PTPRK: variants seen among roughly 807,000 people sequenced by gnomAD.
The protein encoded by PTPRK is receptor-type tyrosine-protein phosphatase kappa.
PTPRK carries 75 observed loss-of-function variants against 178.0 expected under a neutral mutation model. The ratio of observed to expected loss-of-function variants is 0.42; its 90% CI spans 0.35 to 0.51. The LOEUF is 0.51. Among genes scored for constraint, PTPRK ranks in the 20% least tolerant of loss-of-function variants. The probability of loss-of-function intolerance (pLI) is 0.02; values close to 1 mark genes in which losing one functional copy is unlikely to be tolerated. For missense variants in PTPRK, 1,441 were observed against 1,797.8 expected, an observed-to-expected ratio of 0.80 and a Z score of 3.59; for synonymous variants, 637 against 620.6, an observed-to-expected ratio of 1.03 and a Z score of -0.39.
chr6:128,288,747 C>G (rs11961873), intron 3 of PTPRK, among the ~76,000 whole-genome samples: 3 of 151,840 alleles, frequency 2.0e-5, no homozygotes, highest in Non-Finnish European at 4.4e-5. Flanking sequence ...GCTTGAAATA[C>G]TCTCCCCCTT....
At chr6:128,173,922 A>C (rs1038324612) in intron 7 of PTPRK, among the ~76,000 whole-genome samples, 1 of 152,024 alleles carries the variant, frequency 6.6e-6, no homozygotes, top group African/African-American at 2.4e-5. Context: ...AAATTCAAAT[A>C]ATTCATTCTT....
intron 2 of PTPRK, among the ~76,000 whole-genome samples, chr6:128,355,932 A>AT (rs1833897556): frequency 6.6e-6 from 1 of 152,214 alleles, no homozygotes; most frequent in African/African-American, 2.4e-5. Context: ...TCCTTTAGTC[A>AT]TTTTCAACCC....
At chr6:128,105,561 T>C (rs1789584136) in intron 7 of PTPRK, among the ~76,000 whole-genome samples, 1 of 152,176 alleles carries the variant, frequency 6.6e-6, no homozygotes, top group Non-Finnish European at 1.5e-5. Context: ...AATATCAAAA[T>C]AAAACTCATG....
intron 7 of PTPRK, among the ~76,000 whole-genome samples, chr6:128,091,252 C>T (rs888878582): frequency 1.8e-4 from 27 of 152,176 alleles, no homozygotes; most frequent in African/African-American, 6.3e-4. Flanking sequence ...AGACTCCCAA[C>T]TTCACCACTT....
chr6:128,105,715 A>ATT lies in PTPRK; in HGVS notation c.1163-15725_1163-15724dup, dbSNP rs989148798. Among the ~76,000 whole-genome samples the ATT allele has an allele frequency of 7.9e-5, 12 of 152,264 alleles. No homozygotes were observed. In the South Asian group the frequency reaches 1.5e-3, roughly 18 times the overall value. The stretch of plus-strand genomic sequence containing the variant: ...ACTAAGTTTAATTCATAAACAACTG[A>ATT]TTTTTTTCAGGTTACACTCTAGAAC... On this transcript the variant is annotated intron_variant, in intron 7 of 29. Coordinates refer to ENST00000368226, the MANE Select transcript of PTPRK (RefSeq NM_002844.4).
chr6:128,439,215 C>T (rs753547868), intron 1 of PTPRK, among the ~76,000 whole-genome samples: 3 of 152,084 alleles, frequency 2.0e-5, no homozygotes, highest in Non-Finnish European at 4.4e-5. Flanking sequence ...TCCTGCTTCA[C>T]ATATTTTACA....
intron 1 of PTPRK, among the ~76,000 whole-genome samples, chr6:128,448,778 T>C (rs1392934365): frequency 1.3e-5 from 2 of 152,202 alleles, no homozygotes; most frequent in Non-Finnish European, 2.9e-5. Flanking sequence ...ATATTTTGCC[T>C]TCTCTAAGTG....
At chr6:128,330,012 G>A (rs1830063488) in intron 2 of PTPRK, among the ~76,000 whole-genome samples, 1 of 152,146 alleles carries the variant, frequency 6.6e-6, no homozygotes, top group African/African-American at 2.4e-5. Context: ...ATCTTGAATA[G>A]CTACCAAAGC....
chr6:128,145,054 A>G (rs1796284659), intron 7 of PTPRK, among the ~76,000 whole-genome samples: 1 of 152,152 alleles, frequency 6.6e-6, no homozygotes, highest in African/African-American at 2.4e-5. Flanking sequence ...ACAGCTACAC[A>G]ATAACAAGAT....
At chr6:128,414,931 A>G (rs542709322) in intron 1 of PTPRK, among the ~76,000 whole-genome samples, 1 of 152,328 alleles carries the variant, frequency 6.6e-6, no homozygotes. Context: ...TCAATGAAAA[A>G]GTTCTCATTT....
chr6:128,354,231 G>GTTTTTTTTTTTTTTTTTATTTTTTTTT (rs1833619011), intron 2 of PTPRK, among the ~76,000 whole-genome samples: 1 of 49,358 alleles, frequency 2.0e-5, no homozygotes, highest in Non-Finnish European at 3.2e-5. Flanking sequence ...TTTTGTTTAT[G>GTTTTTTTTTTTTTTTTTATTTTTTTTT]TTTTTTTTTT....
intron 1 of PTPRK, among the ~76,000 whole-genome samples, chr6:128,469,316 G>A (rs1172727703): frequency 2.6e-5 from 4 of 152,192 alleles, no homozygotes; most frequent in Admixed American, 6.6e-5. Flanking sequence ...AAGAGAGCAT[G>A]CTTGATGCAC....
At chr6:128,342,603 C>T (rs911834664) in intron 2 of PTPRK, among the ~76,000 whole-genome samples, 3 of 151,636 alleles carry the variant, frequency 2.0e-5, no homozygotes, top group Admixed American at 6.6e-5. Context: ...ACCTCTGTCC[C>T]ATCACCACCC....
At chr6:128,513,437 C>T (rs1857457863) in intron 1 of PTPRK, among the ~76,000 whole-genome samples, 2 of 148,276 alleles carry the variant, frequency 1.3e-5, no homozygotes, top group South Asian at 2.1e-4. Context: ...GAGCCGAGAT[C>T]GTGCCACTGC....
At chr6:128,172,789 G>A (rs775820340) in intron 7 of PTPRK, among the ~76,000 whole-genome samples, 1 of 151,612 alleles carries the variant, frequency 6.6e-6, no homozygotes, top group Non-Finnish European at 1.5e-5. Flanking sequence ...ACATACGTGT[G>A]TATATGACAT....
chr6:128,367,407 T>G lies in PTPRK; in HGVS notation c.223+30159A>C, dbSNP rs530089160. The stretch of plus-strand genomic sequence containing the variant: ...AAAACCAGCCATTAGAATACCCACT[T>G]GGGCCCAAAGTAGTAGAAGGCTCAA... On this transcript the variant is annotated intron_variant, in intron 2 of 29. Coordinates refer to ENST00000368226, the MANE Select transcript of PTPRK (RefSeq NM_002844.4). Among the ~76,000 whole-genome samples the G allele has an allele frequency of 3.3e-5, 5 of 152,260 alleles. No individual in the cohort carries two copies. In the South Asian group the frequency reaches 1.0e-3, roughly 32 times the overall value.
At chr6:128,242,500 C>A (rs1157018388) in intron 4 of PTPRK, 21 bp downstream of exon 4, 2 of 1,606,040 alleles carry the variant, frequency 1.2e-6, no homozygotes, top group South Asian at 1.1e-5. Context: ...TAGAAAAATA[C>A]AATTCTTAAT....
At chr6:128,435,999 AAT>A (rs1160493296) in intron 1 of PTPRK, among the ~76,000 whole-genome samples, 5,292 of 131,916 alleles carry the variant, frequency 0.04, 268 homozygotes, top group African/African-American at 0.15. Flanking sequence ...GGAAAAAAAA[AAT>A]ATATATATAT....
intron 7 of PTPRK, among the ~76,000 whole-genome samples, chr6:128,183,766 C>T (rs1802309148): frequency 6.6e-6 from 1 of 150,516 alleles, no homozygotes; most frequent in Admixed American, 6.7e-5. Context: ...TGGTAAAGAA[C>T]CAGGATGTGT....
Sources: gnomAD v4.1 joint callset for allele counts (sites outside exome capture counted in the v4.1 genomes callset) on GRCh38, gnomAD v4.1.1 for gene constraint, MANE v1.5 for transcripts, NCBI Gene and HGNC (gene_info 2026-07-23, HGNC 2026-07-21) for gene names.